The following DGKB variants were observed in gnomAD, a reference collection of about 807,000 sequenced individuals.
DGKB encodes the protein 90 kDa diacylglycerol kinase.
Under a neutral mutation model 114.3 loss-of-function variants are expected in DGKB, and 67 were observed. The ratio of observed to expected loss-of-function variants is 0.59; its 90% CI spans 0.48 to 0.72. The LOEUF (loss-of-function observed/expected upper bound fraction) is 0.72. DGKB is among the 30% of genes least tolerant of loss of function. The pLI, the probability that DGKB is intolerant of heterozygous loss-of-function variation, is 0.00. For synonymous variants in DGKB, 398 were observed against 323.1 expected (o/e 1.23, Z -2.49); for missense variants, 907 against 975.2 (o/e 0.93, Z 0.93).
At chr7:14,250,132 ATTTTT>A (rs57215648) in intron 23 of DGKB, among the ~76,000 whole-genome samples, 4,644 of 135,556 alleles carry the variant, frequency 0.034, 255 homozygotes, top group African/African-American at 0.12. Context: ...ATATATATAT[ATTTTT>A]TTTTTTTTTT....
intron 13 of DGKB, among the ~76,000 whole-genome samples, chr7:14,662,473 A>T (rs1817320822): frequency 6.6e-6 from 1 of 152,000 alleles, no homozygotes; most frequent in South Asian, 2.1e-4. Context: ...TATGGGGAAA[A>T]TGATCCTTTG....
At chr7:14,910,000 A>T (rs764708318) in intron 1 of DGKB, among the ~76,000 whole-genome samples, 3 of 152,072 alleles carry the variant, frequency 2.0e-5, no homozygotes, top group African/African-American at 7.2e-5. Flanking sequence ...TGAGGTCAGG[A>T]GTTCGAGACC....
intron 16 of DGKB, among the ~76,000 whole-genome samples, chr7:14,613,051 C>T (rs1221050357): frequency 6.6e-6 from 1 of 151,928 alleles, no homozygotes; most frequent in Non-Finnish European, 1.5e-5. Flanking sequence ...AATTTTCATT[C>T]AACAGTATTT....
intron 1 of DGKB, among the ~76,000 whole-genome samples, chr7:14,880,552 C>T (rs1016028007): frequency 5.3e-5 from 8 of 152,108 alleles, no homozygotes; most frequent in Admixed American, 2.0e-4. Context: ...GGAACAATAG[C>T]TAGTTGAATT....
chr7:14,209,487 A>T (rs1371232927), intron 23 of DGKB: 1 of 490,608 alleles, frequency 2.0e-6, no homozygotes, highest in Non-Finnish European at 4.2e-6. Context: ...TCTCCTTCCA[A>T]AGGTTTTTTT....
intron 20 of DGKB, among the ~76,000 whole-genome samples, chr7:14,550,519 G>A (rs1469132257): frequency 6.6e-6 from 1 of 152,138 alleles, no homozygotes; most frequent in Non-Finnish European, 1.5e-5. Flanking sequence ...AGGATATGAA[G>A]TTGATTTTCC....
At chr7:14,484,380 C>G (rs1275291452) in intron 20 of DGKB, among the ~76,000 whole-genome samples, 1 of 152,084 alleles carries the variant, frequency 6.6e-6, no homozygotes, top group African/African-American at 2.4e-5. Flanking sequence ...GGAGGTGGGG[C>G]CTCGTGGGAG....
chr7:14,510,155 A>G (rs1787777115), intron 20 of DGKB, among the ~76,000 whole-genome samples: 2 of 152,140 alleles, frequency 1.3e-5, no homozygotes, highest in Non-Finnish European at 2.9e-5. Flanking sequence ...TGGCTGTGGC[A>G]ATTTCTTAAA....
At chr7:14,262,700 C>T (rs1247018280) in intron 23 of DGKB, among the ~76,000 whole-genome samples, 1 of 152,012 alleles carries the variant, frequency 6.6e-6, no homozygotes, top group African/African-American at 2.4e-5. Flanking sequence ...TTGCAAAGGC[C>T]AGTCCAAGAG....
At chr7:14,653,163 C>A (rs1262300853) in intron 13 of DGKB, among the ~76,000 whole-genome samples, 33 of 148,764 alleles carry the variant, frequency 2.2e-4, no homozygotes, top group Admixed American at 1.9e-3. Context: ...GGGTATATAC[C>A]CAAAGGACTA....
intron 2 of DGKB, among the ~76,000 whole-genome samples, chr7:14,763,369 T>G (rs115913926): frequency 0.01 from 1,558 of 152,230 alleles, 12 homozygotes; most frequent in African/African-American, 0.035. Context: ...TAATTATAGC[T>G]TGAATGCATG....
chr7:14,644,002 T>A (rs763371357), intron 13 of DGKB, among the ~76,000 whole-genome samples: 1 of 151,872 alleles, frequency 6.6e-6, no homozygotes, highest in East Asian at 1.9e-4. Flanking sequence ...TCCCCCAGGA[T>A]CCTGAAGACT....
chr7:14,839,407 C>CTTTT (rs911581318), intron 2 of DGKB, among the ~76,000 whole-genome samples: 47 of 130,932 alleles, frequency 3.6e-4, no homozygotes, highest in African/African-American at 9.5e-4. Context: ...TCTTCTTCTT[C>CTTTT]TTTTTTTTTT....
intron 16 of DGKB, among the ~76,000 whole-genome samples, chr7:14,612,237 C>T (rs146188967): frequency 0.016 from 2,459 of 149,746 alleles, 30 homozygotes; most frequent in South Asian, 0.024. Context: ...TGCAGTGGCA[C>T]GATCTTGGCT....
rs531349233 is a variant in DGKB at position 14,814,043 on chromosome 7, T to A, written c.70+27151A>T. On this transcript the variant is annotated intron_variant, in intron 2 of 25. Transcript: ENST00000402815. Reference sequence around the variant, plus strand: ...TTCTCAATTCTGTATTTTAGTTTATTTTCTAGTTGTTGGAAGACCATAGTG... The same window carrying A: ...TTCTCAATTCTGTATTTTAGTTTATATTCTAGTTGTTGGAAGACCATAGTG... The A allele has an allele frequency of 6.6e-5, 10 of 152,344 alleles. No individual in the cohort carries two copies. In the East Asian group the frequency reaches 7.7e-4, roughly 12 times the overall value. 9.4% of individuals were successfully genotyped at this position (152,344 alleles called of 1,614,324 possible).
At chr7:14,887,349 C>A (rs1472030088) in intron 1 of DGKB, among the ~76,000 whole-genome samples, 2 of 151,868 alleles carry the variant, frequency 1.3e-5, no homozygotes, top group Middle Eastern at 3.4e-3. Context: ...AGAGGCAGTG[C>A]GTTCTCTTGG....
intron 19 of DGKB, among the ~76,000 whole-genome samples, chr7:14,574,606 C>T (rs757727887): frequency 1.3e-5 from 2 of 152,138 alleles, no homozygotes; most frequent in Non-Finnish European, 2.9e-5. Context: ...TGCAAATTCT[C>T]AGCATATACA....
intron 20 of DGKB, among the ~76,000 whole-genome samples, chr7:14,517,049 TA>T: frequency 6.6e-6 from 1 of 152,188 alleles, no homozygotes; most frequent in East Asian, 1.9e-4. Flanking sequence ...TACCCAACTT[TA>T]AACTATTCTA....
At chr7:14,590,067 A>G (rs1238645645) in intron 17 of DGKB, among the ~76,000 whole-genome samples, 2 of 151,388 alleles carry the variant, frequency 1.3e-5, no homozygotes, top group East Asian at 2.0e-4. Context: ...GCTAGATGAC[A>G]CGTTAGTGGG....
Sources: gnomAD v4.1 joint callset for allele counts (sites outside exome capture counted in the v4.1 genomes callset) on GRCh38, gnomAD v4.1.1 for gene constraint, MANE v1.5 for transcripts, NCBI Gene and HGNC (gene_info 2026-07-23, HGNC 2026-07-21) for gene names.